PACS1: variants seen among roughly 807,000 people sequenced by gnomAD.
PACS1 encodes the protein phosphofurin acidic cluster sorting protein 1, also known as PACS-1.
In PACS1, 24 loss-of-function variants were observed where a neutral mutation model predicts 115.0. That is an observed-to-expected ratio of 0.21 (90% CI 0.15 to 0.29). The LOEUF (loss-of-function observed/expected upper bound fraction) is 0.29, where lower values mean the gene tolerates loss of function less well. Ranked by LOEUF, PACS1 falls within the 10% of genes least tolerant of loss-of-function variation. PACS1 has a pLI of 1.00. For synonymous variants in PACS1, 453 were observed against 504.5 expected (o/e 0.90, Z 1.37); for missense variants, 838 against 1,251.2 (o/e 0.67, Z 4.98).
intron 1 of PACS1, among the ~76,000 whole-genome samples, chr11:66,074,366 A>G (rs1452299837): frequency 2.0e-5 from 3 of 152,108 alleles, no homozygotes; most frequent in Admixed American, 1.3e-4. Flanking sequence ...GTGCAGGGTT[A>G]TGGGGACCAG....
chr11:66,189,174 A>G (rs556252166), intron 1 of PACS1, among the ~76,000 whole-genome samples: 3 of 152,372 alleles, frequency 2.0e-5, no homozygotes, highest in African/African-American at 2.4e-5. Context: ...TTGAAGAATT[A>G]GAATACATTT....
rs1459575575 is a variant in PACS1 at position 66,216,581 on chromosome 11, G to A, written c.867G>A (p.Gln289=). 1.2e-6 allele frequency: 2 copies of A among 1,613,956 alleles called. No homozygotes were observed. The highest frequency in any genetic ancestry group is 1.7e-5 in the Admixed American group (1 of 60,014). Residue 289 remains glutamine, a synonymous_variant, in exon 6 of 24, where the codon CAG becomes CAA. Coordinates refer to ENST00000320580, the MANE Select transcript of PACS1 (RefSeq NM_018026.4). ...EEEEESFSSE[Q]EGSDDPLHGQ... ...AGGAAGAGAGTTTCTCATCAGAACA[G>A]GAAGGCAGTGATGATCCATTGCATG...
chr11:66,202,462 A>G (rs1393555797), intron 2 of PACS1, among the ~76,000 whole-genome samples: 1 of 152,104 alleles, frequency 6.6e-6, no homozygotes, highest in African/African-American at 2.4e-5. Context: ...GTTCAGCAAC[A>G]CATTAAAAAC....
intron 1 of PACS1, among the ~76,000 whole-genome samples, chr11:66,172,681 T>A (rs1186419740): frequency 1.3e-5 from 2 of 152,020 alleles, no homozygotes; most frequent in African/African-American, 4.8e-5. Flanking sequence ...ACAGAAACTG[T>A]GAGATAATAA....
intron 2 of PACS1, among the ~76,000 whole-genome samples, chr11:66,208,673 AGAAG>A (rs1428182685): frequency 5.9e-5 from 8 of 134,904 alleles, no homozygotes; most frequent in African/African-American, 8.4e-5. Context: ...AAAAAAAAAA[AGAAG>A]AAGAAAAAGA....
chr11:66,242,224 C>T (rs975328851), intron 22 of PACS1, among the ~76,000 whole-genome samples: 6 of 152,178 alleles, frequency 3.9e-5, no homozygotes, highest in Non-Finnish European at 8.8e-5. Context: ...GCTGCGGCAG[C>T]GCCTGCCACC....
rs573775791 is a variant in PACS1 at position 66,160,637 on chromosome 11, C to T, written c.357-32849C>T. On this transcript the variant is annotated intron_variant, in intron 1 of 23. Coordinates refer to ENST00000320580, the MANE Select transcript of PACS1 (RefSeq NM_018026.4). ...TCAGCCTCCCAAGTAGCTAGGACTACAGGCATGTGCCACCATGCCTGGCTG... is the reference window on the plus strand; with the variant it reads ...TCAGCCTCCCAAGTAGCTAGGACTATAGGCATGTGCCACCATGCCTGGCTG... Among the ~76,000 whole-genome samples the T allele has an allele frequency of 2.7e-5, 4 of 149,796 alleles. No individual in the cohort carries two copies. The East Asian group carries it at 7.9e-4, about 30-fold the overall frequency.
At chr11:66,120,139 CTG>C (rs1443884333) in intron 1 of PACS1, among the ~76,000 whole-genome samples, 1 of 135,752 alleles carries the variant, frequency 7.4e-6, no homozygotes, top group East Asian at 2.2e-4. Flanking sequence ...AAAATTATGT[CTG>C]TGAACTCTTT....
At position 66,233,153 on chromosome 11, in the gene PACS1, C is replaced by A; in HGVS notation, c.1838+87C>A. The A allele has an allele frequency of 2.0e-6, 2 of 1,006,512 alleles. No homozygotes were observed. Among genetic ancestry groups the A allele is most frequent in the African/African-American group, 1.6e-5 (1 of 63,378 alleles). 62.3% of individuals were successfully genotyped at this position (1,006,512 alleles called of 1,614,324 possible). On this transcript the variant is annotated intron_variant, in intron 15 of 23. Transcript: ENST00000320580. The surrounding 1 kb of genome is among the most constrained non-coding windows in gnomAD (Gnocchi z 4.5). Reference sequence around the variant, plus strand: ...CCTGACTTCTAAGCAATGATAGACCCTCCTGGCCTCATCAGACCAAGAATT... The same window carrying A: ...CCTGACTTCTAAGCAATGATAGACCATCCTGGCCTCATCAGACCAAGAATT...
At chr11:66,193,032 G>A (rs1854563883) in intron 1 of PACS1, among the ~76,000 whole-genome samples, 1 of 152,224 alleles carries the variant, frequency 6.6e-6, no homozygotes, top group African/African-American at 2.4e-5. Context: ...GTGATCAGGT[G>A]GAAAGTAGAA....
At chr11:66,203,386 A>T (rs1298863510) in intron 2 of PACS1, among the ~76,000 whole-genome samples, 1 of 152,230 alleles carries the variant, frequency 6.6e-6, no homozygotes, top group African/African-American at 2.4e-5. Context: ...TTCCATATTC[A>T]TGGATTGGAA....
intron 1 of PACS1, among the ~76,000 whole-genome samples, chr11:66,181,423 A>G (rs1054598834): frequency 2.0e-5 from 3 of 151,964 alleles, no homozygotes; most frequent in Middle Eastern, 3.2e-3. Flanking sequence ...CATGTTGGCC[A>G]GGCTGGTCTT....
At chr11:66,135,026 C>T (rs543382055) in intron 1 of PACS1, among the ~76,000 whole-genome samples, 11 of 152,024 alleles carry the variant, frequency 7.2e-5, no homozygotes, top group Non-Finnish European at 1.5e-4. Context: ...GCCTGGCCAT[C>T]ATGGTGAAAC....
chr11:66,108,728 GC>G (rs1858112936), intron 1 of PACS1, among the ~76,000 whole-genome samples: 1 of 152,166 alleles, frequency 6.6e-6, no homozygotes, highest in Non-Finnish European at 1.5e-5. Context: ...TTGTGCCACT[GC>G]ACTCTAGCCT....
chr11:66,208,190 C>T (rs1428954851), intron 2 of PACS1, among the ~76,000 whole-genome samples: 1 of 152,140 alleles, frequency 6.6e-6, no homozygotes, highest in African/African-American at 2.4e-5. Context: ...GTGGCTGAGG[C>T]GTTTTTCCAT....
intron 2 of PACS1, among the ~76,000 whole-genome samples, chr11:66,209,397 G>GA (rs1005718170): frequency 1.2e-4 from 18 of 151,482 alleles, no homozygotes; most frequent in African/African-American, 2.7e-4. Context: ...AAGTTCCTGG[G>GA]AAAAAAAAGG....
At chr11:66,223,337 G>T (rs1266625134) in intron 10 of PACS1, among the ~76,000 whole-genome samples, 1 of 151,244 alleles carries the variant, frequency 6.6e-6, no homozygotes, top group Non-Finnish European at 1.5e-5. Flanking sequence ...CAGGTGATCC[G>T]CCCGCCTCAG....
intron 21 of PACS1, 74 bp downstream of exon 21, chr11:66,239,351 A>C: frequency 6.5e-7 from 1 of 1,538,550 alleles, no homozygotes; most frequent in South Asian, 1.2e-5. Context: ...TGACAGGCGC[A>C]TGGGCTTAGA....
rs146990523 is a variant in PACS1, at chr11:66,223,572, A to G, written c.1293+2325A>G. 3.0e-4 allele frequency among the ~76,000 whole-genome samples: 46 copies of G among 152,224 alleles called. No homozygotes were observed. In the East Asian group the frequency reaches 5.6e-3, roughly 19 times the overall value. ...GACAGCATCCACATGGGCAAACCCT[A>G]CTGGGCAAACCCTACCCCTGGCCAT... On this transcript the variant is annotated intron_variant, in intron 10 of 23. Transcript: ENST00000320580.
Sources: allele counts gnomAD v4.1 joint callset (sites outside exome capture counted in the v4.1 genomes callset), GRCh38; gene constraint gnomAD v4.1.1; non-coding constraint Gnocchi (gnomAD v3.1); transcripts MANE v1.5; gene names NCBI Gene and HGNC (gene_info 2026-07-23, HGNC 2026-07-21).